The following THRB variants were observed in gnomAD, a reference collection of about 807,000 sequenced individuals.
The protein encoded by THRB is nuclear receptor subfamily 1 group A member 2.
Under a neutral mutation model 47.8 loss-of-function variants are expected in THRB, and 12 were observed. The ratio of observed to expected loss-of-function variants is 0.25; its 90% CI spans 0.16 to 0.41. The LOEUF (loss-of-function observed/expected upper bound fraction) is 0.41. Ranked by LOEUF, THRB falls within the 10% of genes least tolerant of loss-of-function variation. The pLI is 1.00. For synonymous variants in THRB, 218 were observed against 212.2 expected (o/e 1.03, Z -0.24); for missense variants, 348 against 589.2 (o/e 0.59, Z 4.24).
Position 24,447,693 on chromosome 3 carries a change from G to A in THRB, c.-261+46959C>T, listed in dbSNP as rs1005302868. ...ATCTGAGTCCTGGAGGGGAAGGGGTGAGTAGACATTAGATAATAAATCCCC... is the reference window on the plus strand; with the variant it reads ...ATCTGAGTCCTGGAGGGGAAGGGGTAAGTAGACATTAGATAATAAATCCCC... On this transcript the variant is annotated intron_variant, in intron 1 of 10. Transcript: ENST00000646209. Among the ~76,000 whole-genome samples, 6 of 152,042 alleles carry A rather than the reference G, an allele frequency of 3.9e-5. No homozygotes were observed. The South Asian group carries it at 1.2e-3, about 32-fold the overall frequency.
chr3:24,410,410 T>C (rs906758128), intron 1 of THRB, among the ~76,000 whole-genome samples: 1 of 151,838 alleles, frequency 6.6e-6, no homozygotes, highest in Non-Finnish European at 1.5e-5. Context: ...GTACAATCTT[T>C]GGAATAAAAA....
intron 1 of THRB, among the ~76,000 whole-genome samples, chr3:24,385,992 T>C (rs1004775080): frequency 6.6e-6 from 1 of 152,098 alleles, no homozygotes; most frequent in Non-Finnish European, 1.5e-5. Context: ...ATTACTTCCT[T>C]TATCCTCTAT....
At chr3:24,289,587 C>T (rs1380895937) in intron 3 of THRB, among the ~76,000 whole-genome samples, 2 of 152,116 alleles carry the variant, frequency 1.3e-5, no homozygotes, top group Non-Finnish European at 2.9e-5. Context: ...TACAAGTTGC[C>T]TTTCAGAAAT....
At chr3:24,229,415 T>C (rs916112563) in intron 3 of THRB, among the ~76,000 whole-genome samples, 22 of 152,130 alleles carry the variant, frequency 1.4e-4, no homozygotes, top group African/African-American at 5.3e-4. Flanking sequence ...AATAGAAAAT[T>C]TGGGCATCCC....
intron 1 of THRB, among the ~76,000 whole-genome samples, chr3:24,451,732 C>T (rs1162930350): frequency 6.6e-6 from 1 of 152,192 alleles, no homozygotes; most frequent in South Asian, 2.1e-4. Flanking sequence ...CACAAATCTC[C>T]CTGATAGTCA....
chr3:24,285,799 C>G (rs1433666886), intron 3 of THRB, among the ~76,000 whole-genome samples: 3 of 152,074 alleles, frequency 2.0e-5, no homozygotes, highest in Non-Finnish European at 4.4e-5. Context: ...ACATTGATTC[C>G]TAAGGTTAGA....
chr3:24,361,719 T>A (rs6781111), intron 1 of THRB, among the ~76,000 whole-genome samples: 1 of 152,014 alleles, frequency 6.6e-6, no homozygotes, highest in Non-Finnish European at 1.5e-5. Context: ...ATGTATGGAT[T>A]TGTTTGCCAG....
chr3:24,255,498 C>T (rs2051167947), intron 3 of THRB, among the ~76,000 whole-genome samples: 1 of 152,084 alleles, frequency 6.6e-6, no homozygotes, highest in African/African-American at 2.4e-5. Context: ...TGTCATTTTC[C>T]TTTATGGCCA....
intron 1 of THRB, among the ~76,000 whole-genome samples, chr3:24,403,617 A>C (rs1458801343): frequency 2.0e-5 from 3 of 152,024 alleles, no homozygotes; most frequent in Non-Finnish European, 4.4e-5. Flanking sequence ...ACACGTAGTC[A>C]TTATATGTCT....
chr3:24,210,305 G>T (rs1186313114), intron 4 of THRB, among the ~76,000 whole-genome samples: 1 of 152,130 alleles, frequency 6.6e-6, no homozygotes, highest in Non-Finnish European at 1.5e-5. Flanking sequence ...TTCCATACCT[G>T]CATGTTCCCT....
chr3:24,451,229 CTTT>C (rs71057674), intron 1 of THRB, among the ~76,000 whole-genome samples: 2 of 95,356 alleles, frequency 2.1e-5, no homozygotes, highest in Non-Finnish European at 2.0e-5. Context: ...ACTACATGTA[CTTT>C]TTTTTTTTTT....
At chr3:24,177,509 G>T (rs1575613274) in intron 5 of THRB, among the ~76,000 whole-genome samples, 1 of 152,156 alleles carries the variant, frequency 6.6e-6, no homozygotes, top group Non-Finnish European at 1.5e-5. Flanking sequence ...CATCTGCAGT[G>T]AATCAAACAG....
chr3:24,279,659 T>G (rs887852438), intron 3 of THRB, among the ~76,000 whole-genome samples: 1 of 151,864 alleles, frequency 6.6e-6, no homozygotes, highest in Non-Finnish European at 1.5e-5. Context: ...CCTCCCAAAG[T>G]GCTGGGATTA....
rs183079034 is a variant in THRB, at chr3:24,173,150, G to A, written c.283+16924C>T. Among the ~76,000 whole-genome samples, 48 of 152,226 alleles carry A rather than the reference G, an allele frequency of 3.2e-4. No homozygotes were observed. In the East Asian group the frequency reaches 7.2e-3, roughly 23 times the overall value. On this transcript the variant is annotated intron_variant, in intron 5 of 10. Transcript: ENST00000646209. ...ACTGGATCGTAAACTCTGGGGGGTG[G>A]GGACAGCAAGCCCTCCAGGGGATTC...
intron 3 of THRB, among the ~76,000 whole-genome samples, chr3:24,249,863 A>G (rs561962033): frequency 6.6e-6 from 1 of 152,324 alleles, no homozygotes; most frequent in Admixed American, 6.5e-5. Flanking sequence ...CACAACAACT[A>G]TTAGGCCGGG....
At chr3:24,262,800 T>C (rs78813564) in intron 3 of THRB, among the ~76,000 whole-genome samples, 2,179 of 152,292 alleles carry the variant, frequency 0.014, 47 homozygotes, top group African/African-American at 0.04. Flanking sequence ...CTGCCTATTT[T>C]CCCCTACCCC....
At chr3:24,390,469 G>A (rs2066476965) in intron 1 of THRB, among the ~76,000 whole-genome samples, 1 of 152,058 alleles carries the variant, frequency 6.6e-6, no homozygotes, top group Non-Finnish European at 1.5e-5. Flanking sequence ...GTTAGGTCTT[G>A]CATGTGCCAT....
At chr3:24,183,997 T>A (rs560892310) in intron 5 of THRB, among the ~76,000 whole-genome samples, 26 of 152,326 alleles carry the variant, frequency 1.7e-4, no homozygotes, top group Non-Finnish European at 2.5e-4. Flanking sequence ...ATTCCGCCCT[T>A]TTCTAAGGTA....
At chr3:24,430,347 A>G (rs900576011) in intron 1 of THRB, among the ~76,000 whole-genome samples, 1 of 152,144 alleles carries the variant, frequency 6.6e-6, no homozygotes, top group Non-Finnish European at 1.5e-5. Flanking sequence ...CATTTATGAG[A>G]GGCTTTGCAT....
Sources: allele counts gnomAD v4.1 joint callset (sites outside exome capture counted in the v4.1 genomes callset), GRCh38; gene constraint gnomAD v4.1.1; transcripts MANE v1.5; gene names NCBI Gene and HGNC (gene_info 2026-07-23, HGNC 2026-07-21).